JAKMIP1: variants seen among roughly 807,000 people sequenced by gnomAD.
The protein encoded by JAKMIP1 is janus kinase and microtubule interacting protein 1, also known as janus kinase and microtubule-interacting protein 1.
A neutral mutation model predicts 113.0 loss-of-function variants in JAKMIP1; 33 were observed. The observed-to-expected ratio is 0.29, with a 90% confidence interval of 0.22 to 0.39. The LOEUF (loss-of-function observed/expected upper bound fraction) is 0.39, where lower values mean the gene tolerates loss of function less well. Among genes scored for constraint, JAKMIP1 ranks in the 10% least tolerant of loss-of-function variants. The pLI is 1.00. For missense variants in JAKMIP1, 813 were observed against 1,080.5 expected, an observed-to-expected ratio of 0.75 and a Z score of 3.47; for synonymous variants, 480 against 459.9, an observed-to-expected ratio of 1.04 and a Z score of -0.56.
At position 6,139,081 on chromosome 4, in the gene JAKMIP1, CA is replaced by C. The variant is rs1719698740; in HGVS notation, c.-147-26085del. Among the ~76,000 whole-genome samples, 3 of 37,464 alleles carry C rather than the reference CA, an allele frequency of 8.0e-5. No individual in the cohort carries two copies. Among genetic ancestry groups the C allele is most frequent in the African/African-American group, 1.1e-4 (2 of 17,858 alleles). The allele number at this position is 37,464 out of a possible 152,430, so 24.6% of individuals were successfully genotyped here. ...ACACACACACACACACACACACACA[CA>C]CATATACACACACACACACACACCA... On this transcript the variant is annotated intron_variant, in intron 1 of 20. Coordinates refer to ENST00000409021, the MANE Select transcript of JAKMIP1 (RefSeq NM_001099433.2). This position sits in a 1 kb window ranked among gnomAD's most constrained non-coding sequence, Gnocchi z 5.2.
chr4:6,088,949 T>C lies in JAKMIP1; in HGVS notation c.625-3320A>G, dbSNP rs552812984. Among the ~76,000 whole-genome samples the C allele has an allele frequency of 6.6e-6, 1 of 152,260 alleles. No homozygotes were observed. Among genetic ancestry groups the C allele is most frequent in the African/African-American group, 2.4e-5 (1 of 41,554 alleles). ...TGCAAGTTCCCAGGGCAGTCCCCAATTGGCTCATGCCACCCAAATGTCCCT... is the reference window on the plus strand; with the variant it reads ...TGCAAGTTCCCAGGGCAGTCCCCAACTGGCTCATGCCACCCAAATGTCCCT... On this transcript the variant is annotated intron_variant, in intron 3 of 20. Coordinates refer to ENST00000409021, the MANE Select transcript of JAKMIP1 (RefSeq NM_001099433.2). The surrounding 1 kb of genome is among the most constrained non-coding windows in gnomAD (Gnocchi z 5.5).
Position 6,167,226 on chromosome 4 carries a change from T to G in JAKMIP1, c.-148+33027A>C, listed in dbSNP as rs530379501. ...CCAGACCCAGGGCCTGTGAGTCCACTTGGAGCACTCCCTCCCTCCCTCTTG... is the reference window on the plus strand; with the variant it reads ...CCAGACCCAGGGCCTGTGAGTCCACGTGGAGCACTCCCTCCCTCCCTCTTG... On this transcript the variant is annotated intron_variant, in intron 1 of 20. Transcript: ENST00000409021. This position sits in a 1 kb window ranked among gnomAD's most constrained non-coding sequence, Gnocchi z 5.3. 2.0e-5 allele frequency among the ~76,000 whole-genome samples: 3 copies of G among 152,244 alleles called. No homozygotes were observed. Among genetic ancestry groups the G allele is most frequent in the African/African-American group, 7.2e-5 (3 of 41,538 alleles).
intron 1 of JAKMIP1, among the ~76,000 whole-genome samples, chr4:6,147,661 T>TC: frequency 6.6e-6 from 1 of 151,830 alleles, no homozygotes; most frequent in Non-Finnish European, 1.5e-5. Context: ...ACACTCACTC[T>TC]CCCCCACCGG....
intron 1 of JAKMIP1, among the ~76,000 whole-genome samples, chr4:6,115,963 C>T (rs571185804): frequency 4.6e-5 from 7 of 152,142 alleles, no homozygotes; most frequent in East Asian, 1.9e-4. Context: ...CACCCTACCC[C>T]GTGCCCAGCC....
chr4:6,058,374 A>G (rs1433114031), intron 11 of JAKMIP1, among the ~76,000 whole-genome samples: 3 of 152,280 alleles, frequency 2.0e-5, no homozygotes, highest in Admixed American at 2.0e-4. Flanking sequence ...GCTGTTAGAT[A>G]TAAGGGAATA....
chr4:6,035,960 C>T lies in JAKMIP1; in HGVS notation c.2323G>A (p.Glu775Lys), dbSNP rs1269625658. ...TCCCGCAGGATCTGGCTGTCGAACTCGCGGCTCTGCCTGAGGATCTGCCTG... is the reference window on the plus strand; with the variant it reads ...TCCCGCAGGATCTGGCTGTCGAACTTGCGGCTCTGCCTGAGGATCTGCCTG... ...VRRQILRQSR[E>K]FDSQILRERM... The change falls in exon 19 of 21, where the codon GAG (glutamate) becomes AAG (lysine). Residue 775 changes from glutamate to lysine, a missense_variant. Transcript: ENST00000409021. 5.8e-6 allele frequency: 9 copies of T among 1,551,432 alleles called. No individual in the cohort carries two copies. The highest frequency in any genetic ancestry group is 7.8e-6 in the Non-Finnish European group (9 of 1,146,954).
rs1714351357 is a variant in JAKMIP1 at position 6,108,552 on chromosome 4, A to G, written c.130-2585T>C. Among the ~76,000 whole-genome samples, 2 of 151,794 alleles carry G rather than the reference A, an allele frequency of 1.3e-5. No homozygotes were observed. The highest frequency in any genetic ancestry group is 2.9e-5 in the Non-Finnish European group (2 of 67,944). ...GTCAGATTCACCCCTTTCCATCCTCATCCTCATCCAATCCAGCAGCACTGG... is the reference window on the plus strand; with the variant it reads ...GTCAGATTCACCCCTTTCCATCCTCGTCCTCATCCAATCCAGCAGCACTGG... On this transcript the variant is annotated intron_variant, in intron 2 of 20. Coordinates refer to ENST00000409021, the MANE Select transcript of JAKMIP1 (RefSeq NM_001099433.2). This position sits in a 1 kb window ranked among gnomAD's most constrained non-coding sequence, Gnocchi z 5.6.
chr4:6,149,344 G>A (rs1370128712), intron 1 of JAKMIP1, among the ~76,000 whole-genome samples: 1 of 152,204 alleles, frequency 6.6e-6, no homozygotes, highest in African/African-American at 2.4e-5. Flanking sequence ...CCAGGAGGAA[G>A]AGACAAGCGG....
rs1197381392 is a variant in JAKMIP1, at chr4:6,076,805, A to G, written c.1302+2134T>C. Among the ~76,000 whole-genome samples the G allele has an allele frequency of 4.6e-5, 7 of 152,232 alleles. No homozygotes were observed. The highest frequency in any genetic ancestry group is 1.7e-4 in the African/African-American group (7 of 41,462). On this transcript the variant is annotated intron_variant, in intron 8 of 20. Coordinates refer to ENST00000409021, the MANE Select transcript of JAKMIP1 (RefSeq NM_001099433.2). The surrounding 1 kb of genome is among the most constrained non-coding windows in gnomAD (Gnocchi z 4.8). ...AATTCATTTGTTTCATATACACTTT[A>G]TATATAATACATAGCCTGAAGGGAA... is the stretch of plus-strand genomic sequence containing the variant.
At chr4:6,196,608 C>T (rs1467667187) in intron 1 of JAKMIP1, among the ~76,000 whole-genome samples, 3 of 152,208 alleles carry the variant, frequency 2.0e-5, no homozygotes, top group Non-Finnish European at 4.4e-5. Flanking sequence ...ACTCCCAGCA[C>T]GTTGGGAGGC....
chr4:6,062,254 G>C (rs1022797804), intron 10 of JAKMIP1, 58 bp downstream of exon 10: 3 of 1,589,640 alleles, frequency 1.9e-6, no homozygotes, highest in Admixed American at 3.3e-5. Flanking sequence ...TTCTGGAAAG[G>C]ACCTACATGA....
chr4:6,042,142 G>A lies in JAKMIP1; in HGVS notation c.2097+17C>T. 6.2e-7 allele frequency: 1 copy of A among 1,608,314 alleles called. No individual in the cohort carries two copies. Among genetic ancestry groups the A allele is most frequent in the Non-Finnish European group, 8.5e-7 (1 of 1,174,898 alleles). Reference sequence around the variant, plus strand: ...TTTGAACCCTCTCCCCCACCCCCAGGCAGTCAAATCTTTTACCTTCTCCTT... The same window carrying A: ...TTTGAACCCTCTCCCCCACCCCCAGACAGTCAAATCTTTTACCTTCTCCTT... On this transcript the variant is annotated intron_variant, in intron 17 of 20. Transcript: ENST00000409021. The surrounding 1 kb of genome is among the most constrained non-coding windows in gnomAD (Gnocchi z 5.2).
chr4:6,055,842 G>T (rs1285869388), intron 12 of JAKMIP1, among the ~76,000 whole-genome samples: 3 of 150,558 alleles, frequency 2.0e-5, no homozygotes, highest in Non-Finnish European at 4.4e-5. Context: ...TCTCTGCAGG[G>T]TATCCCCAGA....
rs1476838818 is a variant in JAKMIP1 at position 6,069,015 on chromosome 4, A to G, written c.1303-4007T>C. Reference sequence around the variant, plus strand: ...CTACATGTACTCGATTTCTCAATATATTTGTGTCTTTATTAATAAAAAATA... The same window carrying G: ...CTACATGTACTCGATTTCTCAATATGTTTGTGTCTTTATTAATAAAAAATA... On this transcript the variant is annotated intron_variant, in intron 8 of 20. Coordinates refer to ENST00000409021, the MANE Select transcript of JAKMIP1 (RefSeq NM_001099433.2). This position sits in a 1 kb window ranked among gnomAD's most constrained non-coding sequence, Gnocchi z 4.5. Among the ~76,000 whole-genome samples the G allele has an allele frequency of 6.6e-6, 1 of 152,188 alleles. No homozygotes were observed. The highest frequency in any genetic ancestry group is 1.5e-5 in the Non-Finnish European group (1 of 68,034).
rs1468921265 is a variant in JAKMIP1 at position 6,160,800 on chromosome 4, CACCTCCACTCACCTCCACTGACTCACTG to C, written c.-148+39425_-148+39452del. ...TCCTGCGCGGGGGCTTCAGCTCCCG[CACCTCCACTCACCTCCACTGACTCACTG>C]ACCTCCACTCACCTCCCCTGACCAA... On this transcript the variant is annotated intron_variant, in intron 1 of 20. Transcript: ENST00000409021. 1.1e-3 allele frequency among the ~76,000 whole-genome samples: 166 copies of C among 152,206 alleles called. 1 individual carries two copies. Among genetic ancestry groups the C allele is most frequent in the African/African-American group, 3.9e-3 (160 of 41,530 alleles).
At position 6,167,506 on chromosome 4, in the gene JAKMIP1, TG is replaced by T. The variant is rs1045681991; in HGVS notation, c.-148+32746del. Among the ~76,000 whole-genome samples the T allele has an allele frequency of 6.6e-6, 1 of 152,230 alleles. No homozygotes were observed. Among genetic ancestry groups the T allele is most frequent in the African/African-American group, 2.4e-5 (1 of 41,460 alleles). On this transcript the variant is annotated intron_variant, in intron 1 of 20. Transcript: ENST00000409021. This position sits in a 1 kb window ranked among gnomAD's most constrained non-coding sequence, Gnocchi z 5.3. ...GGGATGGTGTCACAGCTGTGCAACC[TG>T]GGCCACTGCAAAGGGCCCTGAGCTT... is the stretch of plus-strand genomic sequence containing the variant.
chr4:6,159,218 A>G (rs1409426650), intron 1 of JAKMIP1, among the ~76,000 whole-genome samples: 2 of 152,212 alleles, frequency 1.3e-5, no homozygotes, highest in Non-Finnish European at 2.9e-5. Context: ...AGCCACCTAC[A>G]GCCTCACAGC....
intron 1 of JAKMIP1, among the ~76,000 whole-genome samples, chr4:6,114,783 C>T (rs1046197304): frequency 1.1e-4 from 16 of 152,232 alleles, no homozygotes; most frequent in African/African-American, 2.7e-4. Flanking sequence ...TTCCTCACCT[C>T]GGCTGACCTG....
At chr4:6,091,628 T>A (rs1490181329) in intron 3 of JAKMIP1, among the ~76,000 whole-genome samples, 1 of 152,210 alleles carries the variant, frequency 6.6e-6, no homozygotes, top group Non-Finnish European at 1.5e-5. Context: ...CAAAGGCTTC[T>A]CTTCCCACCA....
Sources: allele counts gnomAD v4.1 joint callset (sites outside exome capture counted in the v4.1 genomes callset), GRCh38; gene constraint gnomAD v4.1.1; non-coding constraint Gnocchi (gnomAD v3.1); transcripts MANE v1.5; gene names NCBI Gene and HGNC (gene_info 2026-07-23, HGNC 2026-07-21).